Variants in SLCO1C1 observed in about 807,000 individuals in gnomAD.
SLCO1C1 encodes solute carrier organic anion transporter family member 1C1.
SLCO1C1 carries 70 observed loss-of-function variants against 76.4 expected under a neutral mutation model. That is an observed-to-expected ratio of 0.92 (90% confidence interval 0.76 to 1.12). The LOEUF is 1.12. Among genes scored for constraint, SLCO1C1 ranks in the 50% most tolerant of loss-of-function variants. SLCO1C1 has a pLI of 0.00. For missense variants in SLCO1C1, 912 were observed against 823.8 expected, an observed-to-expected ratio of 1.11 and a Z score of -1.31; for synonymous variants, 306 against 286.1, an observed-to-expected ratio of 1.07 and a Z score of -0.70.
chr12:20,722,733 G>T (rs953871857), intron 8 of SLCO1C1, among the ~76,000 whole-genome samples: 1 of 152,192 alleles, frequency 6.6e-6, no homozygotes, highest in African/African-American at 2.4e-5. Context: ...AAAAGTGAAG[G>T]TCTTTATGTC....
At chr12:20,699,342 A>G (rs1946409927) in intron 1 of SLCO1C1, among the ~76,000 whole-genome samples, 1 of 152,000 alleles carries the variant, frequency 6.6e-6, no homozygotes, top group East Asian at 1.9e-4. Context: ...AGATTGAGAA[A>G]GAATGCTGGC....
At chr12:20,711,318 G>A (rs1947086744) in intron 4 of SLCO1C1, 68 bp from the exon 5 acceptor site, 3 of 1,530,750 alleles carry the variant, frequency 2.0e-6, no homozygotes, top group Non-Finnish European at 2.7e-6. Flanking sequence ...GATTCGTGTA[G>A]CATACACATA....
chr12:20,742,595 A>G (rs1829001), intron 12 of SLCO1C1, among the ~76,000 whole-genome samples: 65,924 of 151,564 alleles, frequency 0.43, 17,010 homozygotes, highest in South Asian at 0.63. Flanking sequence ...GGGCAGTGGC[A>G]CAATCTCGGC....
rs1297201764 is a variant in SLCO1C1, at chr12:20,699,698, A to C, written c.122A>C (p.Glu41Ala). The change falls in exon 2 of 15, where the codon GAA (glutamate) becomes GCA (alanine). Residue 41 changes from glutamate (E) to alanine (A), a missense_variant. Transcript: ENST00000266509. ...SSEEKQPCCG[E>A]LKVFLCALSF... ...GAAGAAAAGCAACCATGCTGTGGTGAACTAAAGGTAGAGCAACCAAGAAGT... is the reference window on the plus strand; with the variant it reads ...GAAGAAAAGCAACCATGCTGTGGTGCACTAAAGGTAGAGCAACCAAGAAGT... 6 of 1,608,982 alleles carry C rather than the reference A, an allele frequency of 3.7e-6. No individual in the cohort carries two copies. Among genetic ancestry groups the C allele is most frequent in the Non-Finnish European group, 5.1e-6 (6 of 1,177,946 alleles).
intron 1 of SLCO1C1, among the ~76,000 whole-genome samples, chr12:20,698,628 CTAACATTATTCCTTTAGGAA>C (rs1230567160): frequency 6.6e-6 from 1 of 152,026 alleles, no homozygotes; most frequent in Admixed American, 6.6e-5. Context: ...AATTTGACTC[CTAACATTATTCCTTTAGGAA>C]TAACATTATT....
Position 20,723,131 on chromosome 12 carries a change from T to C in SLCO1C1, c.1063T>C (p.Tyr355His). The change falls in exon 9 of 15, where the codon TAC (tyrosine) becomes CAC (histidine). Residue 355 changes from tyrosine to histidine, a missense_variant. Transcript: ENST00000266509. The stretch of plus-strand genomic sequence containing the variant: ...GAAGAATCTTTTTGGAAACCCAGTA[T>C]ACTTCCTATATTTATGTACAAGCAC... The part of the protein sequence containing the change: ...SLKNLFGNPV[Y>H]FLYLCTSTVQ... The C allele has an allele frequency of 6.2e-7, 1 of 1,611,876 alleles. No individual in the cohort carries two copies. The highest frequency in any genetic ancestry group is 1.1e-5 in the South Asian group (1 of 90,498).
chr12:20,723,981 G>C (rs1482757322), intron 9 of SLCO1C1, among the ~76,000 whole-genome samples: 2 of 151,956 alleles, frequency 1.3e-5, no homozygotes, highest in African/African-American at 4.8e-5. Context: ...AAGAGACCTG[G>C]AAGGAGAAAA....
At chr12:20,707,378 T>A (rs552256266) in intron 4 of SLCO1C1, among the ~76,000 whole-genome samples, 1 of 152,170 alleles carries the variant, frequency 6.6e-6, no homozygotes, top group Admixed American at 6.5e-5. Context: ...TGAGCTTCCA[T>A]GTGACAGTTT....
At chr12:20,724,598 C>T (rs553496807) in intron 9 of SLCO1C1, among the ~76,000 whole-genome samples, 76 of 148,066 alleles carry the variant, frequency 5.1e-4, no homozygotes, top group Middle Eastern at 3.6e-3. Flanking sequence ...CATAGACCAG[C>T]CTTGCCTGTT....
Position 20,737,123 on chromosome 12 carries a change from T to TA in SLCO1C1, c.1400dup (p.Tyr467Ter). ...VSYQGTKPVS[Y>*]HERALFSDCN... Reference sequence around the variant, plus strand: ...TCTTTTCAGAACCAAACCTGTCTCTTATCATGAACGAGCTCTCTTTTCAGA... The same window carrying TA: ...TCTTTTCAGAACCAAACCTGTCTCTTAATCATGAACGAGCTCTCTTTTCAGA... Residue 467 changes from tyrosine to a stop codon, truncating the protein, a stop_gained and frameshift_variant, in exon 11 of 15, where the codon TAT becomes TAAT. Coordinates refer to ENST00000266509, the MANE Select transcript of SLCO1C1 (RefSeq NM_017435.5). LOFTEE classifies it high-confidence loss of function. 1 of 1,531,842 alleles carries TA rather than the reference T, an allele frequency of 6.5e-7. No individual in the cohort carries two copies. Among genetic ancestry groups the TA allele is most frequent in the South Asian group, 1.3e-5 (1 of 77,320 alleles). 94.9% of individuals were successfully genotyped at this position (1,531,842 alleles called of 1,614,324 possible). A position where few individuals can be genotyped will look rare whatever the true frequency, so the allele number is the denominator to read the frequency against.
intron 13 of SLCO1C1, among the ~76,000 whole-genome samples, chr12:20,746,527 A>G (rs558569855): frequency 6.6e-6 from 1 of 152,316 alleles, no homozygotes; most frequent in East Asian, 1.9e-4. Context: ...AAAGCTTTAG[A>G]TGAAAGTTGG....
In SLCO1C1 at chr12:20,713,350, A is replaced by G. The variant is rs113136300; in HGVS notation, c.530-1789A>G. Among the ~76,000 whole-genome samples, 74 of 152,228 alleles carry G rather than the reference A, an allele frequency of 4.9e-4. 2 individuals carry two copies. The highest frequency in any genetic ancestry group is 1.7e-3 in the African/African-American group (72 of 41,544). ...CGCCTCGGCCTCCCAAAGTGCTGGG[A>G]TTACAGGCGTGAGCCACCGCGCCCG... On this transcript the variant is annotated intron_variant, in intron 5 of 14. Coordinates refer to ENST00000266509, the MANE Select transcript of SLCO1C1 (RefSeq NM_017435.5).
At chr12:20,731,230 G>C (rs1948248633) in intron 9 of SLCO1C1, among the ~76,000 whole-genome samples, 1 of 151,994 alleles carries the variant, frequency 6.6e-6, no homozygotes, top group African/African-American at 2.4e-5. Flanking sequence ...CTTCCAAGAG[G>C]GTCTGCTTCT....
chr12:20,739,622 A>C (rs1948710534), intron 11 of SLCO1C1, among the ~76,000 whole-genome samples: 1 of 152,174 alleles, frequency 6.6e-6, no homozygotes, highest in Non-Finnish European at 1.5e-5. Flanking sequence ...ACACAGAAGA[A>C]GAGAGGGAAG....
At chr12:20,744,250 G>T (rs1948942576) in intron 13 of SLCO1C1, among the ~76,000 whole-genome samples, 1 of 152,096 alleles carries the variant, frequency 6.6e-6, no homozygotes, top group Admixed American at 6.5e-5. Flanking sequence ...TGCCTGGCAA[G>T]AATTGGCCCC....
At position 20,705,977 on chromosome 12, in the gene SLCO1C1, C is replaced by T. The variant is rs1012342770; in HGVS notation, c.300C>T (p.Ser100=). The change falls in exon 4 of 15, where the codon AGC becomes AGT. Residue 100 remains serine (S), a synonymous_variant. Coordinates refer to ENST00000266509, the MANE Select transcript of SLCO1C1 (RefSeq NM_017435.5). ...IGNLLVITFV[S]YFGAKLHRPK... Reference sequence around the variant, plus strand: ...ATCTCTTAGTTATAACATTTGTTAGCTACTTTGGAGCCAAACTTCACAGGC... The same window carrying T: ...ATCTCTTAGTTATAACATTTGTTAGTTACTTTGGAGCCAAACTTCACAGGC... The T allele has an allele frequency of 3.7e-6, 6 of 1,613,138 alleles. No homozygotes were observed. In the African/African-American group the frequency reaches 8.0e-5, roughly 22 times the overall value.
intron 1 of SLCO1C1, among the ~76,000 whole-genome samples, chr12:20,696,371 C>T (rs931488536): frequency 6.6e-6 from 1 of 152,044 alleles, no homozygotes; most frequent in Non-Finnish European, 1.5e-5. Context: ...GCCTTTAGGA[C>T]TTTCTCTGTG....
chr12:20,716,883 C>T (rs1369951525), intron 6 of SLCO1C1, among the ~76,000 whole-genome samples: 4 of 152,056 alleles, frequency 2.6e-5, no homozygotes, highest in African/African-American at 9.7e-5. Context: ...AATTAATTTC[C>T]TCAGAGTATT....
chr12:20,738,708 T>C (rs776255447), intron 11 of SLCO1C1, among the ~76,000 whole-genome samples: 22 of 152,186 alleles, frequency 1.4e-4, no homozygotes, highest in Non-Finnish European at 2.6e-4. Flanking sequence ...AGAGCTACCA[T>C]TTATAAAAGA....
Sources: gnomAD v4.1 joint callset for allele counts (sites outside exome capture counted in the v4.1 genomes callset) on GRCh38, gnomAD v4.1.1 for gene constraint, MANE v1.5 for transcripts, NCBI Gene and HGNC (gene_info 2026-07-23, HGNC 2026-07-21) for gene names.